Variants in RALGAPA1 observed in about 807,000 individuals in gnomAD.
RALGAPA1 encodes the protein ral GTPase-activating protein subunit alpha-1.
In RALGAPA1, 52 loss-of-function variants were observed where a neutral mutation model predicts 269.6. The ratio of observed to expected loss-of-function variants is 0.19; its 90% confidence interval spans 0.15 to 0.24. The LOEUF is 0.24. Among genes scored for constraint, RALGAPA1 ranks in the 10% least tolerant of loss-of-function variants. The pLI, the probability that RALGAPA1 is intolerant of heterozygous loss-of-function variation, is 1.00. For missense variants in RALGAPA1, 1,917 were observed against 3,013.9 expected (o/e 0.64, Z 8.52); for synonymous variants, 817 against 1,008.3 (o/e 0.81, Z 3.60).
chr14:35,780,245 A>G (rs981926301), intron 1 of RALGAPA1, among the ~76,000 whole-genome samples: 5 of 152,340 alleles, frequency 3.3e-5, no homozygotes, highest in African/African-American at 1.2e-4. Flanking sequence ...ACTGAACAGA[A>G]CTGAATTGAA....
At chr14:35,653,948 C>T (rs530918594) in intron 30 of RALGAPA1, among the ~76,000 whole-genome samples, 4 of 152,148 alleles carry the variant, frequency 2.6e-5, no homozygotes, top group Non-Finnish European at 4.4e-5. Flanking sequence ...TTTATAAAGA[C>T]GATGACATAA....
chr14:35,651,893 T>C lies in RALGAPA1; in HGVS notation c.5608-20A>G, dbSNP rs779359739. 1 of 1,589,856 alleles carries C rather than the reference T, an allele frequency of 6.3e-7. No individual in the cohort carries two copies. Among genetic ancestry groups the C allele is most frequent in the Admixed American group, 1.8e-5 (1 of 55,084 alleles). On this transcript the variant is annotated intron_variant, in intron 30 of 41. Transcript: ENST00000680220. ...TAGGATCTGTAAGCAAAAAAAAATT[T>C]TTTTAAAAGCTCTATATATGTCAAA... is the stretch of plus-strand genomic sequence containing the variant.
intron 1 of RALGAPA1, among the ~76,000 whole-genome samples, chr14:35,804,124 T>C (rs2077179316): frequency 6.6e-6 from 1 of 150,726 alleles, no homozygotes; most frequent in Non-Finnish European, 1.5e-5. Context: ...TAGCCAGGCA[T>C]GGTGACACCC....
rs949618881 is a variant in RALGAPA1, at chr14:35,748,955, T to G, written c.1012-131A>C. 2.8e-5 allele frequency: 38 copies of G among 1,355,184 alleles called. No individual in the cohort carries two copies. In the Admixed American group the frequency reaches 1.1e-3, roughly 39 times the overall value. The allele number at this position is 1,355,184 out of a possible 1,614,324, so 83.9% of individuals were successfully genotyped here. ...AAGTAATTTATACCACTGCTTAAAC[T>G]CCGGGCATAGAGTTTCATTTAAAAG... On this transcript the variant is annotated intron_variant, in intron 9 of 41. Coordinates refer to ENST00000680220, the MANE Select transcript of RALGAPA1 (RefSeq NM_001346249.2).
At chr14:35,800,587 G>C (rs984248797) in intron 1 of RALGAPA1, among the ~76,000 whole-genome samples, 4 of 152,086 alleles carry the variant, frequency 2.6e-5, no homozygotes, top group Non-Finnish European at 5.9e-5. Context: ...TGCTAGTTAG[G>C]GGAAAATTTT....
chr14:35,742,608 T>G, intron 10 of RALGAPA1, 43 bp from the exon 11 acceptor site: 1 of 1,417,924 alleles, frequency 7.1e-7, no homozygotes, highest in Non-Finnish European at 1.0e-6. Context: ...ACTTTTTCCT[T>G]TGCCACAAAC....
chr14:35,598,045 C>T (rs2059029575), intron 36 of RALGAPA1, among the ~76,000 whole-genome samples: 2 of 152,126 alleles, frequency 1.3e-5, no homozygotes, highest in African/African-American at 4.8e-5. Context: ...TTGTTGGTAG[C>T]TGCTGTTGTT....
At chr14:35,755,943 A>G (rs1001489488) in intron 7 of RALGAPA1, among the ~76,000 whole-genome samples, 1 of 152,242 alleles carries the variant, frequency 6.6e-6, no homozygotes. Context: ...CACATTTTAT[A>G]TCTAAAGGTG....
At chr14:35,691,365 A>G (rs1193485591) in intron 17 of RALGAPA1, among the ~76,000 whole-genome samples, 1 of 152,102 alleles carries the variant, frequency 6.6e-6, no homozygotes, top group Non-Finnish European at 1.5e-5. Context: ...TCTGTAAGTT[A>G]CCTAGAAATA....
At chr14:35,706,326 T>C (rs932496157) in intron 16 of RALGAPA1, among the ~76,000 whole-genome samples, 2 of 152,194 alleles carry the variant, frequency 1.3e-5, no homozygotes, top group South Asian at 2.1e-4. Flanking sequence ...GTAAGGTGTC[T>C]AGATTCATCT....
At chr14:35,634,796 A>C in intron 32 of RALGAPA1, 39 bp from the exon 33 acceptor site, 1 of 1,459,054 alleles carries the variant, frequency 6.9e-7, no homozygotes, top group Non-Finnish European at 9.1e-7. Flanking sequence ...TTACTTAAAA[A>C]ATAAATAAAT....
intron 1 of RALGAPA1, among the ~76,000 whole-genome samples, chr14:35,776,681 CAG>C (rs1185904239): frequency 6.6e-6 from 1 of 152,008 alleles, no homozygotes; most frequent in Non-Finnish European, 1.5e-5. Context: ...AAAGGCCTGA[CAG>C]AGTACATAAT....
In RALGAPA1 at chr14:35,598,018, C is replaced by G. The variant is rs146172360; in HGVS notation, c.7054-2229G>C. 5.1e-3 allele frequency among the ~76,000 whole-genome samples: 784 copies of G among 152,266 alleles called. 10 individuals are homozygous for G. Among genetic ancestry groups the G allele is most frequent in the African/African-American group, 0.018 (731 of 41,552 alleles). ...TGCCATTGTTGGGTGGAATATTTTACATATGTAGATTAGATCTTGTTGGTA... is the reference window on the plus strand; with the variant it reads ...TGCCATTGTTGGGTGGAATATTTTAGATATGTAGATTAGATCTTGTTGGTA... On this transcript the variant is annotated intron_variant, in intron 36 of 41. Coordinates refer to ENST00000680220, the MANE Select transcript of RALGAPA1 (RefSeq NM_001346249.2).
chr14:35,761,356 A>C (rs2073687815), intron 5 of RALGAPA1, among the ~76,000 whole-genome samples: 1 of 152,156 alleles, frequency 6.6e-6, no homozygotes, highest in Non-Finnish European at 1.5e-5. Flanking sequence ...AAGAAGCGAG[A>C]GAGAGCAATG....
chr14:35,558,648 GA>G (rs1241030852), intron 39 of RALGAPA1, among the ~76,000 whole-genome samples: 4 of 152,198 alleles, frequency 2.6e-5, no homozygotes, highest in African/African-American at 9.7e-5. Context: ...AGTAAATGTA[GA>G]AACATCAGTT....
intron 21 of RALGAPA1, among the ~76,000 whole-genome samples, chr14:35,681,173 T>G (rs1022211608): frequency 6.6e-6 from 1 of 152,226 alleles, no homozygotes; most frequent in Non-Finnish European, 1.5e-5. Context: ...TGATAATGTA[T>G]GCAAACTTCA....
intron 41 of RALGAPA1, chr14:35,542,568 A>C (rs1283799675): frequency 1.3e-5 from 2 of 152,126 alleles, no homozygotes; most frequent in Admixed American, 6.6e-5. Context: ...ACATTCCCAA[A>C]CTCTATAAAT....
intron 3 of RALGAPA1, among the ~76,000 whole-genome samples, chr14:35,771,596 T>G (rs945410151): frequency 1.3e-5 from 2 of 152,192 alleles, no homozygotes; most frequent in Admixed American, 1.3e-4. Context: ...AAGGTATATG[T>G]TTTCCTAATG....
chr14:35,636,629 T>C (rs1395238687), intron 31 of RALGAPA1, among the ~76,000 whole-genome samples: 1 of 152,212 alleles, frequency 6.6e-6, no homozygotes, highest in African/African-American at 2.4e-5. Flanking sequence ...CAAGTGATTC[T>C]TGCACCTCAG....
Sources: gnomAD v4.1 joint callset for allele counts (sites outside exome capture counted in the v4.1 genomes callset) on GRCh38, gnomAD v4.1.1 for gene constraint, MANE v1.5 for transcripts, NCBI Gene and HGNC (gene_info 2026-07-23, HGNC 2026-07-21) for gene names.